The following LRMDA variants were observed in gnomAD, a reference collection of about 807,000 sequenced individuals.
LRMDA encodes the protein leucine-rich melanocyte differentiation-associated protein.
In LRMDA, 18 loss-of-function variants were observed where a neutral mutation model predicts 29.8. The ratio of observed to expected loss-of-function variants is 0.60; its 90% CI spans 0.42 to 0.90. LRMDA has a LOEUF of 0.90. LRMDA is among the 40% of genes least tolerant of loss of function. The probability of loss-of-function intolerance (pLI) is 0.00; values close to 1 mark genes in which losing one functional copy is unlikely to be tolerated. For synonymous variants in LRMDA, 125 were observed against 109.4 expected (o/e 1.14, Z -0.89); for missense variants, 273 against 273.9 (o/e 1.00, Z 0.02).
At chr10:76,312,500 A>G (rs1000874920) in intron 5 of LRMDA, among the ~76,000 whole-genome samples, 3 of 151,972 alleles carry the variant, frequency 2.0e-5, no homozygotes, top group South Asian at 2.1e-4. Context: ...ATTAAAAAAA[A>G]CCTCCGTGAG....
chr10:75,999,945 T>C (rs1459072788), intron 2 of LRMDA, among the ~76,000 whole-genome samples: 1 of 152,174 alleles, frequency 6.6e-6, no homozygotes. Context: ...GGAAGATAAA[T>C]GGGGATATCT....
intron 6 of LRMDA, among the ~76,000 whole-genome samples, chr10:76,406,933 C>G (rs547432513): frequency 6.6e-6 from 1 of 152,276 alleles, no homozygotes; most frequent in South Asian, 2.1e-4. Context: ...GATCTCAGTA[C>G]AGTTGAGCTA....
chr10:76,471,559 T>C (rs1842617794), intron 6 of LRMDA, among the ~76,000 whole-genome samples: 1 of 151,584 alleles, frequency 6.6e-6, no homozygotes, highest in South Asian at 2.1e-4. Flanking sequence ...AAATGGAATA[T>C]GTAAATCCTA....
At chr10:75,898,539 GGGAAA>G (rs1845620873) in intron 2 of LRMDA, among the ~76,000 whole-genome samples, 1 of 152,078 alleles carries the variant, frequency 6.6e-6, no homozygotes, top group African/African-American at 2.4e-5. Context: ...TTTGCCTGCC[GGGAAA>G]GCAGGGAGAG....
chr10:75,644,813 A>G (rs1238993304), intron 2 of LRMDA, among the ~76,000 whole-genome samples: 1 of 152,146 alleles, frequency 6.6e-6, no homozygotes, highest in Non-Finnish European at 1.5e-5. Context: ...TGAGAACTGC[A>G]AAGAAGGGCT....
chr10:75,868,538 TTA>T (rs1488108093), intron 2 of LRMDA, among the ~76,000 whole-genome samples: 1 of 152,202 alleles, frequency 6.6e-6, no homozygotes, highest in Non-Finnish European at 1.5e-5. Flanking sequence ...ACTCTGATTG[TTA>T]CTAGTATTAA....
intron 2 of LRMDA, among the ~76,000 whole-genome samples, chr10:75,994,215 G>A (rs933129082): frequency 6.6e-6 from 1 of 152,232 alleles, no homozygotes; most frequent in African/African-American, 2.4e-5. Context: ...CAACTGACCA[G>A]GTGCTGCTTC....
At chr10:75,836,643 C>G (rs991670946) in intron 2 of LRMDA, among the ~76,000 whole-genome samples, 8 of 152,102 alleles carry the variant, frequency 5.3e-5, no homozygotes, top group African/African-American at 1.9e-4. Context: ...TACCTTTGAG[C>G]CTTTGTAATT....
chr10:76,158,510 T>C (rs191993872), intron 5 of LRMDA, among the ~76,000 whole-genome samples: 1 of 151,732 alleles, frequency 6.6e-6, no homozygotes, highest in East Asian at 1.9e-4. Context: ...CTCAGTCTTA[T>C]GAAATGAAAA....
intron 2 of LRMDA, among the ~76,000 whole-genome samples, chr10:76,031,726 C>T (rs1470060953): frequency 6.6e-6 from 1 of 152,132 alleles, no homozygotes; most frequent in Admixed American, 6.5e-5. Context: ...ACCATTTTCT[C>T]AATTAAAAAT....
intron 5 of LRMDA, among the ~76,000 whole-genome samples, chr10:76,103,576 A>T (rs1417492664): frequency 1.3e-5 from 2 of 152,098 alleles, no homozygotes; most frequent in African/African-American, 4.8e-5. Flanking sequence ...TGATGAACAC[A>T]TTTTCACCCC....
intron 2 of LRMDA, among the ~76,000 whole-genome samples, chr10:75,794,043 C>A (rs983116183): frequency 6.6e-6 from 1 of 152,228 alleles, no homozygotes; most frequent in Non-Finnish European, 1.5e-5. Flanking sequence ...CACAAACAGG[C>A]AGCAGGCTGC....
At chr10:76,248,572 G>A (rs1008371421) in intron 5 of LRMDA, among the ~76,000 whole-genome samples, 1 of 152,212 alleles carries the variant, frequency 6.6e-6, no homozygotes, top group African/African-American at 2.4e-5. Flanking sequence ...ATATTGCAGA[G>A]AAGTAGATTG....
chr10:75,993,716 G>C (rs997511434), intron 2 of LRMDA, among the ~76,000 whole-genome samples: 2 of 150,762 alleles, frequency 1.3e-5, no homozygotes, highest in African/African-American at 4.9e-5. Context: ...CTGGGTGACA[G>C]AGCGAGACTT....
At chr10:75,549,497 T>C (rs1840117218) in intron 2 of LRMDA, among the ~76,000 whole-genome samples, 1 of 152,136 alleles carries the variant, frequency 6.6e-6, no homozygotes, top group South Asian at 2.1e-4. Context: ...ATTGTTACAT[T>C]GTCTAGGTTA....
chr10:76,106,817 C>T (rs955909201), intron 5 of LRMDA, among the ~76,000 whole-genome samples: 3 of 152,216 alleles, frequency 2.0e-5, no homozygotes, highest in African/African-American at 7.2e-5. Context: ...AGCAGCTTCT[C>T]TGTAGCGACA....
At position 75,603,476 on chromosome 10, in the gene LRMDA, G is replaced by A. The variant is rs148186300; in HGVS notation, c.131+164982G>A. Among the ~76,000 whole-genome samples the A allele has an allele frequency of 4.1e-4, 62 of 152,144 alleles. 1 individual carries two copies. The highest frequency in any genetic ancestry group is 1.4e-3 in the African/African-American group (60 of 41,520). On this transcript the variant is annotated intron_variant, in intron 2 of 6. Coordinates refer to ENST00000611255, the MANE Select transcript of LRMDA (RefSeq NM_001305581.2). ...TTAACTAATTCTAATATCATATAAA[G>A]CACTTTTAGGAGAATGGAAGTGTAA...
intron 2 of LRMDA, among the ~76,000 whole-genome samples, chr10:75,531,993 C>A (rs1285332619): frequency 1.4e-5 from 2 of 142,826 alleles, no homozygotes; most frequent in Non-Finnish European, 3.0e-5. Context: ...CTGTGGTAAG[C>A]TGATTGCACC....
At chr10:75,691,282 TTTTCTG>T (rs1455985405) in intron 2 of LRMDA, among the ~76,000 whole-genome samples, 1 of 144,074 alleles carries the variant, frequency 6.9e-6, no homozygotes, top group Non-Finnish European at 1.5e-5. Flanking sequence ...ATATATATCT[TTTTCTG>T]GTCTTGTGCT....
Sources: allele counts gnomAD v4.1 joint callset (sites outside exome capture counted in the v4.1 genomes callset), GRCh38; gene constraint gnomAD v4.1.1; transcripts MANE v1.5; gene names NCBI Gene and HGNC (gene_info 2026-07-23, HGNC 2026-07-21).